AKAP13: variants seen among roughly 807,000 people sequenced by gnomAD.
The protein encoded by AKAP13 is A-kinase anchor protein 13.
In AKAP13, 80 loss-of-function variants were observed where a neutral mutation model predicts 264.5. The ratio of observed to expected loss-of-function variants is 0.30; its 90% CI spans 0.25 to 0.36. The LOEUF is 0.36. AKAP13 is among the 10% of genes least tolerant of loss of function. The pLI, the probability that AKAP13 is intolerant of heterozygous loss-of-function variation, is 1.00. For synonymous variants in AKAP13, 1,380 were observed against 1,250.2 expected (o/e 1.10, Z -2.19); for missense variants, 3,712 against 3,435.2 (o/e 1.08, Z -2.01).
intron 4 of AKAP13, chr15:85,535,230 C>CT (rs2151194365): frequency 6.6e-6 from 1 of 152,352 alleles, no homozygotes; most frequent in African/African-American, 2.4e-5. Flanking sequence ...ATTTTGTCTT[C>CT]TTCCATGGAA....
At chr15:85,696,653 A>G (rs1161125633) in intron 17 of AKAP13, among the ~76,000 whole-genome samples, 2 of 152,228 alleles carry the variant, frequency 1.3e-5, no homozygotes, top group African/African-American at 4.8e-5. Context: ...GAACTTCATC[A>G]GTAAAGCAGA....
intron 3 of AKAP13, 128 bp downstream of exon 3, chr15:85,521,703 A>G: frequency 9.3e-7 from 1 of 1,077,020 alleles, no homozygotes; most frequent in South Asian, 2.4e-5. Context: ...TAGTTTATAA[A>G]GCAGTTTGAA....
intron 1 of AKAP13, among the ~76,000 whole-genome samples, chr15:85,458,663 G>C (rs774921671): frequency 4.9e-4 from 75 of 151,980 alleles, no homozygotes; most frequent in Non-Finnish European, 9.4e-4. Context: ...GAAACTTAGG[G>C]TGATCATTTT....
intron 1 of AKAP13, among the ~76,000 whole-genome samples, chr15:85,420,287 C>T (rs547799000): frequency 6.6e-5 from 10 of 151,998 alleles, no homozygotes; most frequent in South Asian, 2.1e-4. Flanking sequence ...GATAGAGCAG[C>T]GATGGCTTCA....
intron 1 of AKAP13, among the ~76,000 whole-genome samples, chr15:85,406,396 G>GTTTTT (rs34569805): frequency 2.1e-5 from 3 of 143,834 alleles, no homozygotes; most frequent in Non-Finnish European, 3.0e-5. Context: ...CTAGAAAATA[G>GTTTTT]TTTTTTTTTT....
intron 1 of AKAP13, among the ~76,000 whole-genome samples, chr15:85,419,557 T>C (rs534999296): frequency 7.9e-4 from 121 of 152,346 alleles, no homozygotes; most frequent in Non-Finnish European, 1.4e-3. Flanking sequence ...GAGTGAAAGA[T>C]TCTTGGTATT....
At chr15:85,733,263 C>T (rs2088184941) in intron 30 of AKAP13, among the ~76,000 whole-genome samples, 1 of 152,086 alleles carries the variant, frequency 6.6e-6, no homozygotes, top group Non-Finnish European at 1.5e-5. Context: ...ATTTTCTTCC[C>T]CAAGGTATTA....
At chr15:85,644,976 T>C (rs933901358) in intron 9 of AKAP13, among the ~76,000 whole-genome samples, 1 of 152,156 alleles carries the variant, frequency 6.6e-6, no homozygotes, top group South Asian at 2.1e-4. Flanking sequence ...AAAAATAAAC[T>C]GGACTTGGTG....
chr15:85,652,743 T>C (rs1387656244), intron 10 of AKAP13, among the ~76,000 whole-genome samples: 1 of 152,150 alleles, frequency 6.6e-6, no homozygotes, highest in African/African-American at 2.4e-5. Context: ...TGGCCTCTCT[T>C]CTAGTCTCTG....
chr15:85,722,163 T>C (rs1026080814), intron 24 of AKAP13, 47 bp downstream of exon 24: 7 of 1,611,708 alleles, frequency 4.3e-6, no homozygotes, highest in East Asian at 2.2e-5. Flanking sequence ...GAGAGCCATG[T>C]GTCCCTGTCG....
chr15:85,602,117 T>C (rs893405505), intron 8 of AKAP13, among the ~76,000 whole-genome samples: 2 of 152,062 alleles, frequency 1.3e-5, no homozygotes, highest in African/African-American at 4.8e-5. Context: ...TCTTTGATAC[T>C]AGATCAGAAT....
At chr15:85,671,829 G>A (rs756944958) in intron 14 of AKAP13, among the ~76,000 whole-genome samples, 1 of 152,106 alleles carries the variant, frequency 6.6e-6, no homozygotes, top group Non-Finnish European at 1.5e-5. Flanking sequence ...AGCAAGTGTC[G>A]TGACATAGTG....
chr15:85,740,006 C>T (rs760012752), intron 33 of AKAP13, among the ~76,000 whole-genome samples: 20 of 152,134 alleles, frequency 1.3e-4, no homozygotes, highest in Non-Finnish European at 2.6e-4. Context: ...TGCTGATGTT[C>T]CTCCTATACA....
chr15:85,482,953 A>T (rs554058436), intron 1 of AKAP13, among the ~76,000 whole-genome samples: 33 of 152,308 alleles, frequency 2.2e-4, no homozygotes, highest in African/African-American at 7.5e-4. Flanking sequence ...CCCTTTGACC[A>T]GTGTGAGGGA....
At chr15:85,461,001 A>G (rs2074489140) in intron 1 of AKAP13, among the ~76,000 whole-genome samples, 1 of 152,182 alleles carries the variant, frequency 6.6e-6, no homozygotes, top group Non-Finnish European at 1.5e-5. Flanking sequence ...TTATGACATC[A>G]ATAGAAAATG....
chr15:85,389,661 TA>T (rs2150799242), intron 1 of AKAP13, among the ~76,000 whole-genome samples: 1 of 152,344 alleles, frequency 6.6e-6, no homozygotes, highest in Non-Finnish European at 1.5e-5. Context: ...CTTCTGACAG[TA>T]GCTCAGCCAT....
At chr15:85,635,273 C>A (rs338505) in intron 8 of AKAP13, among the ~76,000 whole-genome samples, 1 of 151,932 alleles carries the variant, frequency 6.6e-6, no homozygotes, top group Non-Finnish European at 1.5e-5. Flanking sequence ...ATGTCTGCTG[C>A]TATGTCCTTG....
chr15:85,662,631 C>T (rs1464506260), intron 12 of AKAP13, among the ~76,000 whole-genome samples: 1 of 152,220 alleles, frequency 6.6e-6, no homozygotes. Flanking sequence ...TGAAGGGATG[C>T]AGCCTAAGAG....
At chr15:85,669,170 G>A (rs769333240) in intron 13 of AKAP13, among the ~76,000 whole-genome samples, 1 of 152,172 alleles carries the variant, frequency 6.6e-6, no homozygotes, top group Non-Finnish European at 1.5e-5. Flanking sequence ...TGGAGGCAGA[G>A]GTTGCAGTAA....
Sources: allele counts gnomAD v4.1 joint callset (sites outside exome capture counted in the v4.1 genomes callset), GRCh38; gene constraint gnomAD v4.1.1; transcripts MANE v1.5; gene names NCBI Gene and HGNC (gene_info 2026-07-23, HGNC 2026-07-21).